TMTC1: variants seen among roughly 807,000 people sequenced by gnomAD.
TMTC1 encodes the protein transmembrane O-mannosyltransferase targeting cadherins 1, also known as protein O-mannosyl-transferase TMTC1.
TMTC1 carries 73 observed loss-of-function variants against 104.8 expected under a neutral mutation model. The ratio of observed to expected loss-of-function variants is 0.70; its 90% CI spans 0.58 to 0.85. The LOEUF (loss-of-function observed/expected upper bound fraction) is 0.85, where lower values mean the gene tolerates loss of function less well. TMTC1 is among the 40% of genes least tolerant of loss of function. TMTC1 has a pLI of 0.00. For synonymous variants in TMTC1, 434 were observed against 428.7 expected, an observed-to-expected ratio of 1.01 and a Z score of -0.15; for missense variants, 1,035 against 1,096.1, an observed-to-expected ratio of 0.94 and a Z score of 0.79.
intron 5 of TMTC1, among the ~76,000 whole-genome samples, chr12:29,733,298 C>G (rs1942591801): frequency 6.6e-6 from 1 of 152,146 alleles, no homozygotes; most frequent in Non-Finnish European, 1.5e-5. Context: ...CAGTCTGGCT[C>G]CACAGAGCCT....
intron 5 of TMTC1, among the ~76,000 whole-genome samples, chr12:29,729,858 C>T (rs942824442): frequency 1.3e-5 from 2 of 152,280 alleles, no homozygotes; most frequent in East Asian, 1.9e-4. Context: ...AAGATCCCTG[C>T]ACTCTTGGAA....
chr12:29,699,648 GC>G (rs1565778298), intron 5 of TMTC1, among the ~76,000 whole-genome samples: 53 of 128,508 alleles, frequency 4.1e-4, no homozygotes, highest in African/African-American at 1.4e-3. Context: ...TTCATCTGGT[GC>G]TTTTTTTTTT....
chr12:29,649,732 G>A (rs77357137), intron 5 of TMTC1, among the ~76,000 whole-genome samples: 2,285 of 152,302 alleles, frequency 0.015, 55 homozygotes, highest in African/African-American at 0.052. Context: ...ACAGAAAATT[G>A]GACAAGGCAT....
chr12:29,663,173 T>A (rs1940113832), intron 5 of TMTC1, among the ~76,000 whole-genome samples: 1 of 152,208 alleles, frequency 6.6e-6, no homozygotes, highest in Admixed American at 6.5e-5. Flanking sequence ...GGTAAAGCCC[T>A]GCTCAGCGTC....
chr12:29,590,446 C>A (rs925810885), intron 7 of TMTC1, among the ~76,000 whole-genome samples: 1 of 152,186 alleles, frequency 6.6e-6, no homozygotes, highest in African/African-American at 2.4e-5. Context: ...GAATTCCTGA[C>A]AAACAACTTT....
At chr12:29,667,065 A>G (rs1940316045) in intron 5 of TMTC1, among the ~76,000 whole-genome samples, 1 of 152,212 alleles carries the variant, frequency 6.6e-6, no homozygotes, top group African/African-American at 2.4e-5. Context: ...CACAGCTCAC[A>G]TCAGAAAAAA....
intron 6 of TMTC1, among the ~76,000 whole-genome samples, chr12:29,629,491 C>T (rs529132716): frequency 6.6e-6 from 1 of 152,306 alleles, no homozygotes; most frequent in East Asian, 1.9e-4. Context: ...CACTTGTAGT[C>T]AGGACCTCCT....
chr12:29,526,310 T>A (rs1944342844), intron 11 of TMTC1, among the ~76,000 whole-genome samples: 1 of 152,204 alleles, frequency 6.6e-6, no homozygotes, highest in African/African-American at 2.4e-5. Context: ...TCCATGAGTA[T>A]ATGCTTAATA....
At chr12:29,670,339 G>C (rs1032637639) in intron 5 of TMTC1, among the ~76,000 whole-genome samples, 1 of 152,146 alleles carries the variant, frequency 6.6e-6, no homozygotes, top group Non-Finnish European at 1.5e-5. Flanking sequence ...TGTGCCCCAG[G>C]CATGGTTCTA....
rs1373626683 is a variant in TMTC1, at chr12:29,761,279, A to G, written c.481-2502T>C. On this transcript the variant is annotated intron_variant, in intron 2 of 17. Coordinates refer to ENST00000539277, the MANE Select transcript of TMTC1 (RefSeq NM_001193451.2). Reference sequence around the variant, plus strand: ...TGCTTTCAGCTTTCAAAAATGTACAACTAAATTATTAAAGTATAAAGGAGT... The same window carrying G: ...TGCTTTCAGCTTTCAAAAATGTACAGCTAAATTATTAAAGTATAAAGGAGT... Among the ~76,000 whole-genome samples, 5 of 151,560 alleles carry G rather than the reference A, an allele frequency of 3.3e-5. No individual in the cohort carries two copies. In the East Asian group the frequency reaches 9.6e-4, roughly 29 times the overall value.
At chr12:29,559,366 C>T (rs1945322587) in intron 9 of TMTC1, among the ~76,000 whole-genome samples, 1 of 152,190 alleles carries the variant, frequency 6.6e-6, no homozygotes, top group Admixed American at 6.5e-5. Flanking sequence ...TTTATATTCA[C>T]TCATGACCCC....
intron 5 of TMTC1, among the ~76,000 whole-genome samples, chr12:29,726,386 ACT>A (rs909214319): frequency 2.0e-5 from 3 of 148,066 alleles, no homozygotes; most frequent in East Asian, 2.0e-4. Flanking sequence ...TACAATATTT[ACT>A]CTGTTAGTTA....
chr12:29,543,239 T>C (rs1944850869), intron 10 of TMTC1, among the ~76,000 whole-genome samples: 1 of 152,232 alleles, frequency 6.6e-6, no homozygotes, highest in Non-Finnish European at 1.5e-5. Context: ...ATCGTGTCAC[T>C]TTCATGGCTC....
chr12:29,693,641 A>G (rs192310393), intron 5 of TMTC1, among the ~76,000 whole-genome samples: 46 of 152,346 alleles, frequency 3.0e-4, no homozygotes, highest in Admixed American at 1.8e-3. Flanking sequence ...TGCACTAAAA[A>G]TGGGTGAATT....
intron 15 of TMTC1, among the ~76,000 whole-genome samples, chr12:29,516,007 T>C (rs1381223506): frequency 6.6e-6 from 1 of 151,462 alleles, no homozygotes; most frequent in Non-Finnish European, 1.5e-5. Flanking sequence ...CTGTAAAGCA[T>C]GGTTGTTATG....
rs1381068905 is a variant in TMTC1, at chr12:29,516,437, G to A, written c.2219C>T (p.Thr740Ile). ...MGQTKEAEKM[T>I]NHIVSEETGC... ...GGTCTCCTCTGACACAATGTGATTG[G>A]TCATCTTTTCAGCTTCTTTTGTCTG... The change falls in exon 15 of 18, where the codon ACC (threonine) becomes ATC (isoleucine). Residue 740 changes from threonine to isoleucine, a missense_variant. Transcript: ENST00000539277. 6.2e-7 allele frequency: 1 copy of A among 1,613,822 alleles called. No homozygotes were observed. Among genetic ancestry groups the A allele is most frequent in the East Asian group, 2.2e-5 (1 of 44,876 alleles).
At chr12:29,753,119 C>A (rs1423280443) in intron 4 of TMTC1, among the ~76,000 whole-genome samples, 1 of 152,004 alleles carries the variant, frequency 6.6e-6, no homozygotes, top group Non-Finnish European at 1.5e-5. Context: ...ATTACTGTTT[C>A]TTTCCTGCTT....
chr12:29,770,774 A>G (rs1490405785), intron 1 of TMTC1, among the ~76,000 whole-genome samples: 1 of 152,170 alleles, frequency 6.6e-6, no homozygotes, highest in African/African-American at 2.4e-5. Context: ...TCCAAATTAC[A>G]GACAAGTAAG....
intron 11 of TMTC1, among the ~76,000 whole-genome samples, chr12:29,528,936 G>A (rs1944423364): frequency 6.6e-6 from 1 of 151,836 alleles, no homozygotes; most frequent in Non-Finnish European, 1.5e-5. Context: ...CGAGAATAGT[G>A]GCATTAGTTT....
Sources: gnomAD v4.1 joint callset for allele counts (sites outside exome capture counted in the v4.1 genomes callset) on GRCh38, gnomAD v4.1.1 for gene constraint, MANE v1.5 for transcripts, NCBI Gene and HGNC (gene_info 2026-07-23, HGNC 2026-07-21) for gene names.